The following ELK3 variants were observed in gnomAD, a reference collection of about 807,000 sequenced individuals.
The protein encoded by ELK3 is ETS domain-containing protein Elk-3.
Under a neutral mutation model 28.9 loss-of-function variants are expected in ELK3, and 10 were observed. The observed-to-expected ratio is 0.35, with a 90% confidence interval of 0.21 to 0.59. The LOEUF is 0.59. Among genes scored for constraint, ELK3 ranks in the 20% least tolerant of loss-of-function variants. The pLI is 0.82. For missense variants in ELK3, 463 were observed against 517.3 expected, an observed-to-expected ratio of 0.90 and a Z score of 1.02; for synonymous variants, 272 against 243.5, an observed-to-expected ratio of 1.12 and a Z score of -1.09.
At chr12:96,214,743 C>A (rs978252084) in intron 1 of ELK3, among the ~76,000 whole-genome samples, 3 of 151,158 alleles carry the variant, frequency 2.0e-5, no homozygotes, top group Non-Finnish European at 4.4e-5. Context: ...GTTTTTTTTT[C>A]AAATATTATC....
chr12:96,263,776 A>G (rs1321337633), intron 4 of ELK3, among the ~76,000 whole-genome samples: 1 of 152,124 alleles, frequency 6.6e-6, no homozygotes, highest in Non-Finnish European at 1.5e-5. Context: ...TCAGGAAGGG[A>G]CCAGGTGATA....
At chr12:96,230,476 C>G (rs532151515) in intron 2 of ELK3, among the ~76,000 whole-genome samples, 1 of 152,076 alleles carries the variant, frequency 6.6e-6, no homozygotes, top group Non-Finnish European at 1.5e-5. Flanking sequence ...AAGGAAACTG[C>G]TCCCCATGAC....
chr12:96,239,159 GA>G (rs1184874208), intron 2 of ELK3, among the ~76,000 whole-genome samples: 2 of 152,070 alleles, frequency 1.3e-5, no homozygotes, highest in African/African-American at 2.4e-5. Flanking sequence ...TAAGCAAAAA[GA>G]AATATGAAAA....
chr12:96,223,709 G>A lies in ELK3; in HGVS notation c.143G>A (p.Arg48Gln), dbSNP rs1388786729. 6 of 1,614,070 alleles carry A rather than the reference G, an allele frequency of 3.7e-6. No individual in the cohort carries two copies. Among genetic ancestry groups the A allele is most frequent in the African/African-American group, 2.7e-5 (2 of 75,004 alleles). The change falls in exon 2 of 5, where the codon CGA becomes CAA. Residue 48 changes from arginine to glutamine, a missense_variant. Coordinates refer to ENST00000228741, the MANE Select transcript of ELK3 (RefSeq NM_005230.4). Reference protein sequence around the residue: ...AEEVAKLWGLRKNKTNMNYDK... With the variant: ...AEEVAKLWGLQKNKTNMNYDK... The stretch of plus-strand genomic sequence containing the variant: ...GAAGTGGCCAAGCTGTGGGGACTCC[G>A]AAAAAACAAAACAAATATGAACTAT...
At position 96,249,393 on chromosome 12, in the gene ELK3, G is replaced by T. The variant is rs139693957; in HGVS notation, c.1002+1659G>T. On this transcript the variant is annotated intron_variant, in intron 3 of 4. Transcript: ENST00000228741. ...GGTGGTGACGCGCGCCACTGCGGAG[G>T]GGGAGGGCCAGGGGATCAGGATATA... 4.7e-4 allele frequency among the ~76,000 whole-genome samples: 71 copies of T among 152,252 alleles called. 1 individual carries two copies. The Middle Eastern group carries it at 0.01, about 22-fold the overall frequency.
intron 4 of ELK3, 39 bp downstream of exon 4, chr12:96,259,892 T>C: frequency 1.3e-6 from 2 of 1,543,144 alleles, no homozygotes; most frequent in South Asian, 2.4e-5. Context: ...ATTAAGCTTC[T>C]GAGGGATGGT....
chr12:96,234,031 A>G (rs1951762185), intron 2 of ELK3, among the ~76,000 whole-genome samples: 1 of 152,216 alleles, frequency 6.6e-6, no homozygotes, highest in Non-Finnish European at 1.5e-5. Context: ...GAAGCTGCTT[A>G]GAGACCTGTG....
chr12:96,230,824 T>A (rs1951735572), intron 2 of ELK3, among the ~76,000 whole-genome samples: 1 of 152,148 alleles, frequency 6.6e-6, no homozygotes, highest in African/African-American at 2.4e-5. Flanking sequence ...GACGCAGGTG[T>A]GGGGAAAGTC....
chr12:96,227,183 C>T lies in ELK3; in HGVS notation c.207+3410C>T, dbSNP rs531114254. On this transcript the variant is annotated intron_variant, in intron 2 of 4. Coordinates refer to ENST00000228741, the MANE Select transcript of ELK3 (RefSeq NM_005230.4). ...ACTTCAAGCTGCCCTGAACCGCGTG[C>T]GTTTCTCAGTGTCACGTACAGCTCG... Among the ~76,000 whole-genome samples the T allele has an allele frequency of 1.3e-4, 20 of 152,042 alleles. No individual in the cohort carries two copies. In the East Asian group the frequency reaches 3.3e-3, roughly 25 times the overall value.
chr12:96,218,679 C>G (rs1006744652), intron 1 of ELK3, among the ~76,000 whole-genome samples: 61 of 146,436 alleles, frequency 4.2e-4, no homozygotes, highest in Non-Finnish European at 7.3e-4. Context: ...GACAGAGTCT[C>G]GCTCTGTCAC....
chr12:96,221,017 G>T (rs1453907547), intron 1 of ELK3, among the ~76,000 whole-genome samples: 1 of 152,116 alleles, frequency 6.6e-6, no homozygotes, highest in African/African-American at 2.4e-5. Context: ...GCCAACTTAT[G>T]ATGCCTCCAA....
intron 3 of ELK3, among the ~76,000 whole-genome samples, chr12:96,251,118 G>A (rs771387206): frequency 2.0e-5 from 3 of 152,286 alleles, no homozygotes; most frequent in South Asian, 2.1e-4. Flanking sequence ...CACTCACTCC[G>A]TGTTTCAATG....
At chr12:96,213,356 G>A (rs1951589700) in intron 1 of ELK3, among the ~76,000 whole-genome samples, 1 of 152,190 alleles carries the variant, frequency 6.6e-6, no homozygotes, top group Non-Finnish European at 1.5e-5. Flanking sequence ...GTTTTGGACT[G>A]TTAGGGATCA....
chr12:96,244,591 G>T (rs1404140824), intron 2 of ELK3, among the ~76,000 whole-genome samples: 1 of 151,742 alleles, frequency 6.6e-6, no homozygotes, highest in Non-Finnish European at 1.5e-5. Flanking sequence ...AATTATTTAG[G>T]CTCTAAAAAC....
intron 3 of ELK3, among the ~76,000 whole-genome samples, chr12:96,250,231 T>G (rs1414105291): frequency 6.6e-6 from 1 of 152,152 alleles, no homozygotes; most frequent in African/African-American, 2.4e-5. Context: ...TCCCTCACAT[T>G]CCCAGAGTGT....
intron 4 of ELK3, among the ~76,000 whole-genome samples, chr12:96,266,714 TTTTAATA>T (rs1343000779): frequency 6.6e-6 from 1 of 152,162 alleles, no homozygotes; most frequent in Non-Finnish European, 1.5e-5. Context: ...CAAAACACTC[TTTTAATA>T]TTTAATATTA....
At chr12:96,204,261 G>A (rs936720669) in intron 1 of ELK3, among the ~76,000 whole-genome samples, 3 of 152,096 alleles carry the variant, frequency 2.0e-5, no homozygotes, top group African/African-American at 7.2e-5. Flanking sequence ...AGTTCCCTTG[G>A]ATAACCAGTT....
intron 1 of ELK3, among the ~76,000 whole-genome samples, chr12:96,220,540 A>C (rs1266940836): frequency 2.0e-5 from 3 of 151,988 alleles, no homozygotes; most frequent in Admixed American, 2.0e-4. Context: ...AGCGCGGGCC[A>C]CCACGCCCAG....
intron 1 of ELK3, chr12:96,222,851 G>T: frequency 6.5e-6 from 1 of 154,180 alleles, no homozygotes; most frequent in South Asian, 1.8e-4. Flanking sequence ...CAGGAAGCAT[G>T]ATGCTGGCAT....
Sources: allele counts gnomAD v4.1 joint callset (sites outside exome capture counted in the v4.1 genomes callset), GRCh38; gene constraint gnomAD v4.1.1; transcripts MANE v1.5; gene names NCBI Gene and HGNC (gene_info 2026-07-23, HGNC 2026-07-21).